The following RBFOX1 variants were observed in gnomAD, a reference collection of about 807,000 sequenced individuals.
RBFOX1 encodes the protein RNA binding fox-1 homolog 1, also known as RNA binding protein fox-1 homolog 1.
A neutral mutation model predicts 57.7 loss-of-function variants in RBFOX1; 8 were observed. That is an observed-to-expected ratio of 0.14 (90% CI 0.08 to 0.25). The LOEUF is 0.25. Ranked by LOEUF, RBFOX1 falls within the 10% of genes least tolerant of loss-of-function variation. The probability of loss-of-function intolerance (pLI) is 1.00; values close to 1 mark genes in which losing one functional copy is unlikely to be tolerated. For synonymous variants in RBFOX1, 326 were observed against 222.4 expected (o/e 1.47, Z -4.15); for missense variants, 611 against 548.5 (o/e 1.11, Z -1.14).
chr16:5,242,637 A>C (rs2062196172), intron 1 of RBFOX1, among the ~76,000 whole-genome samples: 1 of 152,128 alleles, frequency 6.6e-6, no homozygotes, highest in Admixed American at 6.5e-5. Flanking sequence ...CTTTTATGAG[A>C]TTTTGTCTGC....
At chr16:7,491,917 T>C (rs2067094486) in intron 4 of RBFOX1, among the ~76,000 whole-genome samples, 1 of 152,220 alleles carries the variant, frequency 6.6e-6, no homozygotes, top group South Asian at 2.1e-4. Flanking sequence ...ATTTTCATTG[T>C]ACCACTCCGT....
At chr16:7,419,325 A>C (rs1166565355) in intron 4 of RBFOX1, among the ~76,000 whole-genome samples, 1 of 152,132 alleles carries the variant, frequency 6.6e-6, no homozygotes, top group Admixed American at 6.5e-5. Flanking sequence ...TTAGCTGGGC[A>C]TCAAACACAG....
At chr16:5,570,393 G>A (rs1412086404) in intron 2 of RBFOX1, among the ~76,000 whole-genome samples, 3 of 152,250 alleles carry the variant, frequency 2.0e-5, no homozygotes, top group Admixed American at 2.0e-4. Flanking sequence ...GTTAGTGTAT[G>A]GGACTCATTC....
chr16:7,644,677 G>A (rs564606128), intron 11 of RBFOX1, among the ~76,000 whole-genome samples: 2 of 152,336 alleles, frequency 1.3e-5, no homozygotes, highest in East Asian at 3.9e-4. Context: ...AGATGTTGGA[G>A]ACACAGTAGG....
intron 4 of RBFOX1, among the ~76,000 whole-genome samples, chr16:7,393,782 C>T (rs1316437739): frequency 6.6e-6 from 1 of 152,186 alleles, no homozygotes; most frequent in Non-Finnish European, 1.5e-5. Flanking sequence ...CCCCTTACCT[C>T]CACCTTTACT....
chr16:6,695,784 G>C (rs780012217), intron 3 of RBFOX1, among the ~76,000 whole-genome samples: 1 of 152,208 alleles, frequency 6.6e-6, no homozygotes, highest in African/African-American at 2.4e-5. Flanking sequence ...GTAAATAACA[G>C]TTCTTTGATA....
At chr16:6,904,060 A>T (rs984854643) in intron 3 of RBFOX1, among the ~76,000 whole-genome samples, 3 of 152,130 alleles carry the variant, frequency 2.0e-5, no homozygotes, top group African/African-American at 7.2e-5. Flanking sequence ...AGCTACCCCC[A>T]TGGGGGCTGT....
chr16:5,290,684 A>G (rs1317098493), intron 1 of RBFOX1, among the ~76,000 whole-genome samples: 2 of 147,726 alleles, frequency 1.4e-5, no homozygotes, highest in Middle Eastern at 6.8e-3. Flanking sequence ...TGATAGGCAT[A>G]GAGCAGATTT....
At chr16:7,710,126 C>G in intron 15 of RBFOX1, 1 of 1,019,030 alleles carries the variant, frequency 9.8e-7, no homozygotes, top group South Asian at 4.1e-5. Context: ...TTCATCTGTA[C>G]AACTCCACAA....
intron 1 of RBFOX1, among the ~76,000 whole-genome samples, chr16:5,343,298 G>GTTTTTTTTTTTTTTTTTTTTTTGTTT (rs33934959): frequency 1.8e-5 from 2 of 109,952 alleles, no homozygotes; most frequent in African/African-American, 3.3e-5. Context: ...CTTCTTTGAA[G>GTTTTTTTTTTTTTTTTTTTTTTGTTT]TTTTTTTTTT....
chr16:7,517,196 G>C (rs998576529), intron 4 of RBFOX1, among the ~76,000 whole-genome samples: 4 of 146,448 alleles, frequency 2.7e-5, no homozygotes, highest in Non-Finnish European at 4.5e-5. Flanking sequence ...TGTTGTGGTA[G>C]AACTGTGGAG....
In RBFOX1 at chr16:5,692,499, A is replaced by G. The variant is rs139764288; in HGVS notation, c.318+93538A>G. 4.3e-3 allele frequency among the ~76,000 whole-genome samples: 653 copies of G among 152,296 alleles called. 6 individuals are homozygous for G. Among genetic ancestry groups the G allele is most frequent in the African/African-American group, 0.015 (616 of 41,566 alleles). Reference sequence around the variant, plus strand: ...CAGCTCCAAAGAGCGCCTGAGTTGCATCCTGGTGAAGACCCTGAGTAGAGA... The same window carrying G: ...CAGCTCCAAAGAGCGCCTGAGTTGCGTCCTGGTGAAGACCCTGAGTAGAGA... On this transcript the variant is annotated intron_variant, in intron 3 of 19. Coordinates refer to the RBFOX1 transcript ENST00000641259.
chr16:6,820,348 G>T (rs961565161), intron 3 of RBFOX1, among the ~76,000 whole-genome samples: 3 of 152,086 alleles, frequency 2.0e-5, no homozygotes, highest in African/African-American at 4.8e-5. Flanking sequence ...TTCCCTAATG[G>T]ATAGATAGGA....
Position 5,323,321 on chromosome 16 carries a change from T to G in RBFOX1, c.219+83216T>G, listed in dbSNP as rs1185531248. The stretch of plus-strand genomic sequence containing the variant: ...TTTCCTTTCTCCTCCCCTTCCTCTT[T>G]TACCATTTTACCAAAAAGCATGGCT... On this transcript the variant is annotated intron_variant, in intron 1 of 2. Coordinates refer to the RBFOX1 transcript ENST00000585867. Among the ~76,000 whole-genome samples the G allele has an allele frequency of 4.6e-5, 7 of 152,328 alleles. No homozygotes were observed. In the South Asian group the frequency reaches 1.2e-3, roughly 27 times the overall value.
intron 1 of RBFOX1, among the ~76,000 whole-genome samples, chr16:5,340,208 T>C (rs1376783207): frequency 1.3e-5 from 2 of 152,186 alleles, no homozygotes; most frequent in Non-Finnish European, 2.9e-5. Flanking sequence ...GGGGCTTTTA[T>C]TCTTGTTTGT....
intron 1 of RBFOX1, among the ~76,000 whole-genome samples, chr16:5,242,614 A>G (rs1381514914): frequency 6.6e-6 from 1 of 152,224 alleles, no homozygotes; most frequent in East Asian, 1.9e-4. Flanking sequence ...TGGATCAAGA[A>G]GAACAGAGTG....
intron 3 of RBFOX1, among the ~76,000 whole-genome samples, chr16:5,787,902 G>T (rs1041562292): frequency 3.7e-4 from 57 of 152,326 alleles, no homozygotes; most frequent in African/African-American, 1.3e-3. Context: ...GATGTTATGT[G>T]GCAGGTCATT....
rs116607321 is a variant in RBFOX1 at position 7,634,132 on chromosome 16, A to C, written c.757+3449A>C. ...ATGGGTGCAGACTTTTTCTCTAGGA[A>C]TCCAACCATTGCCCTCAAAGCTGAG... On this transcript the variant is annotated intron_variant, in intron 11 of 15. Transcript: ENST00000550418. Among the ~76,000 whole-genome samples the C allele has an allele frequency of 2.2e-3, 329 of 152,300 alleles. 1 individual carries two copies. Among genetic ancestry groups the C allele is most frequent in the African/African-American group, 7.5e-3 (313 of 41,564 alleles).
intron 2 of RBFOX1, among the ~76,000 whole-genome samples, chr16:6,534,260 T>TGC (rs1343948723): frequency 6.7e-6 from 1 of 149,490 alleles, no homozygotes; most frequent in Non-Finnish European, 1.5e-5. Context: ...AGTGTGTATG[T>TGC]GTGTGTGTGT....
Sources: gnomAD v4.1 joint callset for allele counts (sites outside exome capture counted in the v4.1 genomes callset) on GRCh38, gnomAD v4.1.1 for gene constraint, MANE v1.5 for transcripts, NCBI Gene and HGNC (gene_info 2026-07-23, HGNC 2026-07-21) for gene names.